Variants in HDAC5 observed in about 807,000 individuals in gnomAD.
HDAC5 encodes the protein histone deacetylase 5.
In HDAC5, 25 loss-of-function variants were observed where a neutral mutation model predicts 133.3. The observed-to-expected ratio is 0.19, with a 90% CI of 0.14 to 0.26. The LOEUF (loss-of-function observed/expected upper bound fraction) is 0.26, where lower values mean the gene tolerates loss of function less well. Among genes scored for constraint, HDAC5 ranks in the 10% least tolerant of loss-of-function variants. The pLI, the probability that HDAC5 is intolerant of heterozygous loss-of-function variation, is 1.00. For synonymous variants in HDAC5, 589 were observed against 610.8 expected, an observed-to-expected ratio of 0.96 and a Z score of 0.53; for missense variants, 1,041 against 1,460.5, an observed-to-expected ratio of 0.71 and a Z score of 4.68.
At chr17:44,098,325 T>C (rs962385921) in intron 3 of HDAC5, among the ~76,000 whole-genome samples, 12 of 152,132 alleles carry the variant, frequency 7.9e-5, no homozygotes, top group African/African-American at 2.9e-4. Context: ...TGTGTCATGA[T>C]AGGAAGAGGC....
At chr17:44,079,839 C>G (rs542351034) in intron 23 of HDAC5, among the ~76,000 whole-genome samples, 1 of 152,206 alleles carries the variant, frequency 6.6e-6, no homozygotes, top group South Asian at 2.1e-4. Flanking sequence ...AGGAGCATCA[C>G]TGAAACACCA....
rs2050732571 is a variant in HDAC5 at position 44,087,610 on chromosome 17, G to A, written c.1686C>T (p.Val562=). The part of the protein sequence containing the change: ...TEEELTEQQE[V]LLGEGALTMP... ...TGGTCAGGGCTCCCTCCCCCAGCAA[G>A]ACCTCCTGCTGCTCCGTCAGCTCCT... Residue 562 remains valine (V), a synonymous_variant, in exon 13 of 27, where the codon GTC becomes GTT. Coordinates refer to ENST00000682912, the MANE Select transcript of HDAC5 (RefSeq NM_005474.5). 3 of 1,613,882 alleles carry A rather than the reference G, an allele frequency of 1.9e-6. No individual in the cohort carries two copies. The highest frequency in any genetic ancestry group is 2.5e-6 in the Non-Finnish European group (3 of 1,179,980).
At position 44,108,531 on chromosome 17, in the gene HDAC5, C is replaced by T. The variant is rs142686507; in HGVS notation, c.94+2198G>A. 6.6e-5 allele frequency among the ~76,000 whole-genome samples: 10 copies of T among 152,058 alleles called. No homozygotes were observed. In the East Asian group the frequency reaches 1.7e-3, roughly 27 times the overall value. On this transcript the variant is annotated intron_variant, in intron 3 of 26. Transcript: ENST00000682912. ...CAACCCCTTGGGCTTGGGAGACCTG[C>T]GCAACTCACACCATCCAAAGAAGCT...
intron 24 of HDAC5, 23 bp downstream of exon 24, chr17:44,079,121 C>G (rs977742925): frequency 1.9e-6 from 3 of 1,603,544 alleles, no homozygotes; most frequent in South Asian, 1.1e-5. Context: ...CCTGCCACCT[C>G]CCAGCTCCTT....
intron 2 of HDAC5, among the ~76,000 whole-genome samples, chr17:44,115,365 T>C (rs1412155798): frequency 1.3e-5 from 2 of 152,214 alleles, no homozygotes; most frequent in African/African-American, 2.4e-5. Context: ...CCATGGCCCA[T>C]ACCTTTCCTT....
At chr17:44,088,359 C>T in intron 12 of HDAC5, 28 bp downstream of exon 12, 2 of 1,544,070 alleles carry the variant, frequency 1.3e-6, no homozygotes, top group South Asian at 1.2e-5. Flanking sequence ...CCACCACAGC[C>T]CCAGGCCATT....
chr17:44,105,450 CAAAGCT>C (rs1292391669), intron 3 of HDAC5, among the ~76,000 whole-genome samples: 1 of 152,214 alleles, frequency 6.6e-6, no homozygotes, highest in Non-Finnish European at 1.5e-5. Context: ...TACCTGGGTA[CAAAGCT>C]ACAGGCAAGT....
Position 44,092,797 on chromosome 17 carries a change from G to A in HDAC5, c.651C>T (p.His217=), listed in dbSNP as rs940996245. Residue 217 remains histidine, a synonymous_variant, in exon 7 of 27, where the codon CAC becomes CAT. Transcript: ENST00000682912. ...GGGAACTCTGGTCCAAAGAAGCATG[G>A]TGGGCTCCCCTGGGGTGGGGGGGGG... is the stretch of plus-strand genomic sequence containing the variant. ...LPQHPKCWGA[H]HASLDQSSPP... 5 of 1,209,158 alleles carry A rather than the reference G, an allele frequency of 4.1e-6. No homozygotes were observed. In the African/African-American group the frequency reaches 5.4e-5, roughly 13 times the overall value. 74.9% of individuals were successfully genotyped at this position (1,209,158 alleles called of 1,614,324 possible).
chr17:44,077,366 T>C lies in HDAC5; in HGVS notation c.*1010A>G, dbSNP rs1251091671. On this transcript the variant is annotated 3_prime_UTR_variant, in exon 27 of 27. Coordinates refer to ENST00000682912, the MANE Select transcript of HDAC5 (RefSeq NM_005474.5). ...CTCCAGCTGAGAGCCGACTCCTGGA[T>C]CCCTGGGTTCTGGCCTTACCCCTTC... 1 of 152,398 alleles carries C rather than the reference T, an allele frequency of 6.6e-6. No homozygotes were observed. Among genetic ancestry groups the C allele is most frequent in the Non-Finnish European group, 1.5e-5 (1 of 68,096 alleles). The allele number at this position is 152,398 out of a possible 1,614,324, so 9.4% of individuals were successfully genotyped here. A position where few individuals can be genotyped will look rare whatever the true frequency, so the allele number is the denominator to read the frequency against.
Position 44,077,217 on chromosome 17 carries a change from A to G in HDAC5, c.*1159T>C, listed in dbSNP as rs1202400196. 2 of 152,696 alleles carry G rather than the reference A, an allele frequency of 1.3e-5. No homozygotes were observed. The highest frequency in any genetic ancestry group is 2.9e-5 in the Non-Finnish European group (2 of 68,128). The allele number at this position is 152,696 out of a possible 1,614,324, so 9.5% of individuals were successfully genotyped here. Reference sequence around the variant, plus strand: ...TACAGGCTGGATGGCATCCCCTGGAAGCCTTGTAGGCCCACAGCCCCTGGC... The same window carrying G: ...TACAGGCTGGATGGCATCCCCTGGAGGCCTTGTAGGCCCACAGCCCCTGGC... On this transcript the variant is annotated 3_prime_UTR_variant, in exon 27 of 27. Transcript: ENST00000682912.
At chr17:44,097,373 G>A (rs1026199766) in intron 3 of HDAC5, among the ~76,000 whole-genome samples, 12 of 152,266 alleles carry the variant, frequency 7.9e-5, no homozygotes, top group African/African-American at 2.9e-4. Flanking sequence ...TGGCCACAAG[G>A]CCAGAGCCAC....
Position 44,083,620 on chromosome 17 carries a change from G to A in HDAC5, c.2388C>T (p.His796=). ...VDSDTVWNEM[H]SSSAVRMAVG... ...CTGCCATGCGCACAGCACTGGAGGA[G>A]TGCATCTCATTCCACACGGTGTCAC... The change falls in exon 18 of 27, where the codon CAC becomes CAT. Residue 796 remains histidine, a synonymous_variant. Coordinates refer to ENST00000682912, the MANE Select transcript of HDAC5 (RefSeq NM_005474.5). 1 of 1,614,162 alleles carries A rather than the reference G, an allele frequency of 6.2e-7. No homozygotes were observed. Among genetic ancestry groups the A allele is most frequent in the Non-Finnish European group, 8.5e-7 (1 of 1,180,002 alleles).
At chr17:44,112,127 A>G (rs2052382606) in intron 2 of HDAC5, among the ~76,000 whole-genome samples, 1 of 152,060 alleles carries the variant, frequency 6.6e-6, no homozygotes, top group Admixed American at 6.6e-5. Flanking sequence ...TCTAACCACC[A>G]CACTCCACTG....
rs2050324603 is a variant in HDAC5, at chr17:44,080,179, G to A, written c.2872C>T (p.Leu958=). 1.2e-6 allele frequency: 2 copies of A among 1,614,178 alleles called. No individual in the cohort carries two copies. Among genetic ancestry groups the A allele is most frequent in the African/African-American group, 1.3e-5 (1 of 75,040 alleles). Reference sequence around the variant, plus strand: ...ACAGCATCAAACCCGGCGGAGACTAGGACCACATCAGGTGAGAACTCGTGG... The same window carrying A: ...ACAGCATCAAACCCGGCGGAGACTAAGACCACATCAGGTGAGAACTCGTGG... The part of the protein sequence containing the change: ...IAHEFSPDVV[L]VSAGFDAVEG... Residue 958 remains leucine (L), a synonymous_variant, in exon 23 of 27, where the codon CTA becomes TTA. Transcript: ENST00000682912.
In HDAC5 at chr17:44,123,345, G is replaced by A. The variant is rs552172572; in HGVS notation, c.-190+159C>T. 219 of 333,152 alleles carry A rather than the reference G, an allele frequency of 6.6e-4. 2 individuals carry two copies. Among genetic ancestry groups the A allele is most frequent in the Middle Eastern group, 5.6e-3 (7 of 1,248 alleles). 20.6% of individuals were successfully genotyped at this position (333,152 alleles called of 1,614,324 possible). A position where few individuals can be genotyped will look rare whatever the true frequency, so the allele number is the denominator to read the frequency against. On this transcript the variant is annotated intron_variant, in intron 1 of 26. Transcript: ENST00000682912. The stretch of plus-strand genomic sequence containing the variant: ...CTCACGGGCTGCCGATGCTCCCGGG[G>A]GGCGCCGGCTGGCTCCCAGGGCCGG...
At chr17:44,098,085 T>C (rs973652460) in intron 3 of HDAC5, among the ~76,000 whole-genome samples, 2 of 152,244 alleles carry the variant, frequency 1.3e-5, no homozygotes, top group African/African-American at 4.8e-5. Flanking sequence ...CCCAGGGGTT[T>C]GCCAGGTAGC....
chr17:44,111,237 G>T (rs910984868), intron 2 of HDAC5: 2 of 286,034 alleles, frequency 7.0e-6, no homozygotes, highest in Non-Finnish European at 1.4e-5. Flanking sequence ...CGAATGAGCC[G>T]CCGCCGGCAG....
rs1231189363 is a variant in HDAC5 at position 44,077,520 on chromosome 17, C to T, written c.*856G>A. 2 of 152,294 alleles carry T rather than the reference C, an allele frequency of 1.3e-5. No individual in the cohort carries two copies. The highest frequency in any genetic ancestry group is 4.8e-5 in the African/African-American group (2 of 41,464). 9.4% of individuals were successfully genotyped at this position (152,294 alleles called of 1,614,324 possible). ...ATCTGGTCCTGACAGCAGGGGGGCTCTCACCAGCCTGGAGCCCCTCTGCAG... is the reference window on the plus strand; with the variant it reads ...ATCTGGTCCTGACAGCAGGGGGGCTTTCACCAGCCTGGAGCCCCTCTGCAG... On this transcript the variant is annotated 3_prime_UTR_variant, in exon 27 of 27. Coordinates refer to ENST00000682912, the MANE Select transcript of HDAC5 (RefSeq NM_005474.5).
In HDAC5 at chr17:44,110,807, A is replaced by T; in HGVS notation, c.23-7T>A. On this transcript the variant is annotated splice_polypyrimidine_tract_variant and splice_region_variant and intron_variant, in intron 2 of 26. Coordinates refer to ENST00000682912, the MANE Select transcript of HDAC5 (RefSeq NM_005474.5). ...TCCCGACCTGACATCCCATCTGCTGAGAAACAGGATTCTGTCTCATAGATG... is the reference window on the plus strand; with the variant it reads ...TCCCGACCTGACATCCCATCTGCTGTGAAACAGGATTCTGTCTCATAGATG... The T allele has an allele frequency of 6.2e-7, 1 of 1,612,362 alleles. No individual in the cohort carries two copies. The highest frequency in any genetic ancestry group is 8.5e-7 in the Non-Finnish European group (1 of 1,178,828).
Sources: gnomAD v4.1 joint callset for allele counts (sites outside exome capture counted in the v4.1 genomes callset) on GRCh38, gnomAD v4.1.1 for gene constraint, MANE v1.5 for transcripts, NCBI Gene and HGNC (gene_info 2026-07-23, HGNC 2026-07-21) for gene names.